The following GCNA variants were observed in gnomAD, a reference collection of about 807,000 sequenced individuals.
GCNA encodes the protein germ cell nuclear acidic peptidase.
A neutral mutation model predicts 38.8 loss-of-function variants in GCNA; 3 were observed. That is an observed-to-expected ratio of 0.08 (90% CI 0.04 to 0.20). The LOEUF (loss-of-function observed/expected upper bound fraction) is 0.20, where lower values mean the gene tolerates loss of function less well. GCNA is among the 10% of genes least tolerant of loss of function. GCNA has a pLI of 1.00. For synonymous variants in GCNA, 195 were observed against 240.2 expected (o/e 0.81, Z 1.74); for missense variants, 446 against 578.6 (o/e 0.77, Z 2.35).
At chrX:71,585,219 C>T (rs1006206658) in intron 2 of GCNA, among the ~76,000 whole-genome samples, 1 of 110,010 alleles carries the variant, frequency 9.1e-6, no homozygotes, top group Non-Finnish European at 1.9e-5. Flanking sequence ...GGGGTTAAGG[C>T]GGGAGAATTG....
intron 9 of GCNA, among the ~76,000 whole-genome samples, chrX:71,606,485 A>T (rs1275395703): frequency 8.9e-6 from 1 of 112,618 alleles, no homozygotes; most frequent in Non-Finnish European, 1.9e-5. Flanking sequence ...TATAGTAAGC[A>T]TAATTTTCTT....
At chrX:71,582,272 A>C in intron 2 of GCNA, among the ~76,000 whole-genome samples, 1 of 66,891 alleles carries the variant, frequency 1.5e-5, no homozygotes, top group African/African-American at 9.0e-5. Context: ...CCTCTCTCCA[A>C]AAAAAAAAAA....
At chrX:71,606,094 A>G (rs1293137260) in intron 9 of GCNA, among the ~76,000 whole-genome samples, 1 of 112,697 alleles carries the variant, frequency 8.9e-6, no homozygotes, top group Non-Finnish European at 1.9e-5. Flanking sequence ...ACTTTTCTTC[A>G]GGCTGGATAC....
In GCNA at chrX:71,602,628, A is replaced by AT. The variant is rs912913494; in HGVS notation, c.311-951dup. 1.4e-4 allele frequency among the ~76,000 whole-genome samples: 15 copies of AT among 110,177 alleles called. No individual in the cohort carries two copies. In the Admixed American group the frequency reaches 1.4e-3, roughly 11 times the overall value. The stretch of plus-strand genomic sequence containing the variant: ...TCCCATTTTTTCATTGGATTATTAG[A>AT]TTTTTTTTTCCTATAGAGTTGTTTG... On this transcript the variant is annotated intron_variant, in intron 7 of 12. Coordinates refer to ENST00000373696, the MANE Select transcript of GCNA (RefSeq NM_052957.5).
At chrX:71,609,189 A>G in intron 10 of GCNA, 72 bp downstream of exon 10, 1 of 1,034,223 alleles carries the variant, frequency 9.7e-7, no homozygotes, top group Non-Finnish European at 1.3e-6. Context: ...GAGGTGTGCT[A>G]ACCATGTATA....
In GCNA at chrX:71,604,544, C is replaced by G; in HGVS notation, c.1267C>G (p.Pro423Ala). Residue 423 changes from proline (P) to alanine (A), a missense_variant, in exon 8 of 13, where the codon CCA becomes GCA. Pro to Ala is a conservative substitution (Grantham distance 27). This residue lies in a region of GCNA where 160 missense variants were observed against 165.2 expected (regional missense o/e 0.97). Transcript: ENST00000373696. ...GTCAAAAACCAAAACTATTGTGGAG[C>G]CACCGAGGAAAAGGCAGACAAAGAC... ...RKSKTKTIVE[P>A]PRKRQTKTKN... 1 of 1,192,501 alleles carries G rather than the reference C, an allele frequency of 8.4e-7. No individual in the cohort carries two copies. Among genetic ancestry groups the G allele is most frequent in the Non-Finnish European group, 1.1e-6 (1 of 885,586 alleles).
chrX:71,597,804 A>G, intron 6 of GCNA, 146 bp from the exon 7 acceptor site: 1 of 441,438 alleles, frequency 2.3e-6, no homozygotes. Context: ...GGAAGGATTG[A>G]GTAGTTCCAA....
rs1413489134 is a variant in GCNA at position 71,612,498 on chromosome X, C to T, written c.1894C>T (p.Arg632Cys). The T allele has an allele frequency of 3.3e-6, 4 of 1,209,948 alleles. No individual in the cohort carries two copies. Among genetic ancestry groups the T allele is most frequent in the South Asian group, 1.8e-5 (1 of 56,655 alleles). ...ACACCCGGAGCTGCCCAGGGTCACC[C>T]GTTGCCATAACTATAAGATTAACTA... ...RIHPELPRVTRCHNYKINYKV... is the reference protein window; with the variant it reads ...RIHPELPRVTCCHNYKINYKV... The change falls in exon 12 of 13, where the codon CGT (arginine) becomes TGT (cysteine). Residue 632 changes from arginine (R) to cysteine (C), a missense_variant. This residue lies in a region of GCNA where 60 missense variants were observed against 111.0 expected (regional missense o/e 0.54). Transcript: ENST00000373696.
At chrX:71,583,028 TGTG>T (rs1003320804) in intron 2 of GCNA, among the ~76,000 whole-genome samples, 1 of 111,869 alleles carries the variant, frequency 8.9e-6, no homozygotes, top group African/African-American at 3.2e-5. Flanking sequence ...ATTGCAAAAA[TGTG>T]GTGAGAGCTA....
intron 7 of GCNA, among the ~76,000 whole-genome samples, chrX:71,603,178 G>A (rs1432809902): frequency 8.9e-6 from 1 of 112,090 alleles, no homozygotes; most frequent in East Asian, 2.8e-4. Flanking sequence ...TTTGGTTACT[G>A]TAGCTCTGTA....
chrX:71,582,945 G>A (rs2040557686), intron 2 of GCNA, among the ~76,000 whole-genome samples: 1 of 111,805 alleles, frequency 8.9e-6, no homozygotes, highest in South Asian at 3.7e-4. Flanking sequence ...ATTCATTGCA[G>A]CACTGTTTGT....
chrX:71,611,428 G>A (rs188079394), intron 11 of GCNA, among the ~76,000 whole-genome samples: 174 of 111,930 alleles, frequency 1.6e-3, no homozygotes, highest in African/African-American at 5.3e-3. Flanking sequence ...AGCTATTTGG[G>A]AGGCTGAGGT....
chrX:71,589,450 C>CTTTT lies in GCNA; in HGVS notation c.60-2642_60-2639dup, dbSNP rs371046758. Among the ~76,000 whole-genome samples the CTTTT allele has an allele frequency of 2.2e-3, 83 of 37,701 alleles. 8 individuals are homozygous for CTTTT. Among genetic ancestry groups the CTTTT allele is most frequent in the Non-Finnish European group, 2.8e-3 (59 of 21,424 alleles). 32.7% of individuals were successfully genotyped at this position (37,701 alleles called of 115,157 possible). ...AGCGTACCTGGCCTGCATATATTTC[C>CTTTT]TTTTTTTTTTTTTTTTTTTTTTTTT... is the stretch of plus-strand genomic sequence containing the variant. On this transcript the variant is annotated intron_variant, in intron 2 of 12. Coordinates refer to ENST00000373696, the MANE Select transcript of GCNA (RefSeq NM_052957.5).
intron 11 of GCNA, 43 bp downstream of exon 11, chrX:71,610,862 T>C: frequency 8.3e-7 from 1 of 1,202,669 alleles, no homozygotes; most frequent in East Asian, 3.0e-5. Flanking sequence ...TGCTCTTTCC[T>C]TCTGACACCG....
At chrX:71,589,758 C>T (rs1364873537) in intron 2 of GCNA, among the ~76,000 whole-genome samples, 1 of 109,510 alleles carries the variant, frequency 9.1e-6, no homozygotes, top group African/African-American at 3.3e-5. Flanking sequence ...AGCCACTGCA[C>T]CCAGCCTCCT....
At chrX:71,596,646 T>A (rs1450889939) in intron 6 of GCNA, among the ~76,000 whole-genome samples, 1 of 112,012 alleles carries the variant, frequency 8.9e-6, no homozygotes, top group Non-Finnish European at 1.9e-5. Context: ...TTAAGGGACC[T>A]GCAAGGAGTG....
At chrX:71,605,630 A>G in intron 8 of GCNA, 33 bp from the exon 9 acceptor site, 1 of 1,167,784 alleles carries the variant, frequency 8.6e-7, no homozygotes, top group Admixed American at 2.3e-5. Context: ...TTTTCGGGGT[A>G]CAAGTAACCT....
intron 6 of GCNA, among the ~76,000 whole-genome samples, chrX:71,595,380 G>T (rs1251530641): frequency 8.9e-6 from 1 of 112,038 alleles, no homozygotes; most frequent in Non-Finnish European, 1.9e-5. Flanking sequence ...ACAGGTGTGA[G>T]CCACCGTGCC....
intron 9 of GCNA, 39 bp from the exon 10 acceptor site, chrX:71,608,934 C>T (rs1602184859): frequency 8.4e-7 from 1 of 1,194,240 alleles, no homozygotes; most frequent in Non-Finnish European, 1.1e-6. Context: ...CCTTCTCTCT[C>T]TTTAGCTACA....
Sources: gnomAD v4.1 joint callset for allele counts (sites outside exome capture counted in the v4.1 genomes callset) on GRCh38, gnomAD v4.1.1 for gene constraint, gnomAD v4.1.1 regional missense constraint, MANE v1.5 for transcripts, NCBI Gene and HGNC (gene_info 2026-07-23, HGNC 2026-07-21) for gene names.